The following KIRREL3 variants were observed in gnomAD, a reference collection of about 807,000 sequenced individuals.
KIRREL3 encodes the protein kin of IRRE-like protein 3.
Under a neutral mutation model 89.7 loss-of-function variants are expected in KIRREL3, and 36 were observed. That is an observed-to-expected ratio of 0.40 (90% confidence interval 0.31 to 0.53). KIRREL3 has a LOEUF of 0.53. Ranked by LOEUF, KIRREL3 falls within the 20% of genes least tolerant of loss-of-function variation. The probability of loss-of-function intolerance (pLI) is 0.49; values close to 1 mark genes in which losing one functional copy is unlikely to be tolerated. For synonymous variants in KIRREL3, 445 were observed against 441.4 expected (o/e 1.01, Z -0.10); for missense variants, 864 against 1,056.6 (o/e 0.82, Z 2.53).
chr11:126,907,577 A>G (rs1946638736), intron 1 of KIRREL3, among the ~76,000 whole-genome samples: 1 of 152,192 alleles, frequency 6.6e-6, no homozygotes, highest in South Asian at 2.1e-4. Flanking sequence ...TTTTTAAAGT[A>G]TTGGAGCTCT....
rs1346059993 is a variant in KIRREL3, at chr11:126,486,781, G to A, written c.434-13315C>T. ...GCCCCAACCACTCAGTCCTAACTGC[G>A]GTACCATAGGCTGTGCTAGCAGGAG... On this transcript the variant is annotated intron_variant, in intron 4 of 16. Transcript: ENST00000525144. The surrounding 1 kb of genome is among the most constrained non-coding windows in gnomAD (Gnocchi z 6.2). Among the ~76,000 whole-genome samples the A allele has an allele frequency of 6.6e-6, 1 of 152,202 alleles. No individual in the cohort carries two copies.
chr11:126,511,844 T>C (rs562232072), intron 4 of KIRREL3, among the ~76,000 whole-genome samples: 1 of 152,334 alleles, frequency 6.6e-6, no homozygotes, highest in Admixed American at 6.5e-5. Context: ...TGTGAAACCC[T>C]TGTTTTGGGC....
At position 126,903,006 on chromosome 11, in the gene KIRREL3, C is replaced by A. The variant is rs948199966; in HGVS notation, c.55+97449G>T. ...TACTTTTTTTAAAAAAAAGGAAGCC[C>A]AGCGTCCTATGACCTTGTGAAAGAA... On this transcript the variant is annotated intron_variant, in intron 1 of 16. Coordinates refer to ENST00000525144, the MANE Select transcript of KIRREL3 (RefSeq NM_032531.4). The surrounding 1 kb of genome is among the most constrained non-coding windows in gnomAD (Gnocchi z 4.5). 6.6e-6 allele frequency among the ~76,000 whole-genome samples: 1 copy of A among 152,026 alleles called. No individual in the cohort carries two copies. The highest frequency in any genetic ancestry group is 1.5e-5 in the Non-Finnish European group (1 of 68,010).
rs374049493 is a variant in KIRREL3 at position 126,692,474 on chromosome 11, G to A, written c.56-129562C>T. ...GCAGGAGGATCACTTGAACCCATGA[G>A]GCGGAGGTTGCAGTGAGCTAAGACT... On this transcript the variant is annotated intron_variant, in intron 1 of 16. Coordinates refer to ENST00000525144, the MANE Select transcript of KIRREL3 (RefSeq NM_032531.4). Among the ~76,000 whole-genome samples, 9 of 150,284 alleles carry A rather than the reference G, an allele frequency of 6.0e-5. No homozygotes were observed. In the South Asian group the frequency reaches 1.1e-3, roughly 18 times the overall value.
rs1317896080 is a variant in KIRREL3 at position 126,681,745 on chromosome 11, C to G, written c.56-118833G>C. ...TAAACATTTGTTTAATTGAATTTCT[C>G]TTAGTGTTAACTCCACTCCCATTCT... is the stretch of plus-strand genomic sequence containing the variant. On this transcript the variant is annotated intron_variant, in intron 1 of 16. Transcript: ENST00000525144. The G allele has an allele frequency of 1.4e-5, 5 of 361,548 alleles. No homozygotes were observed. In the Admixed American group the frequency reaches 1.5e-4, roughly 11 times the overall value. The allele number at this position is 361,548 out of a possible 1,614,324, so 22.4% of individuals were successfully genotyped here.
intron 1 of KIRREL3, among the ~76,000 whole-genome samples, chr11:126,960,347 G>GGTTT (rs142435003): frequency 0.066 from 10,024 of 152,052 alleles, 390 homozygotes; most frequent in African/African-American, 0.11. Context: ...TTTGTTTTGG[G>GGTTT]GTTTGTCATT....
At chr11:126,743,566 G>A (rs1949048976) in intron 1 of KIRREL3, among the ~76,000 whole-genome samples, 1 of 152,220 alleles carries the variant, frequency 6.6e-6, no homozygotes, top group Non-Finnish European at 1.5e-5. Context: ...AATCTTTAAA[G>A]AAGAATTCTT....
In KIRREL3 at chr11:126,521,231, T is replaced by A; in HGVS notation, c.433+84A>T. ...TGATCCCCAGAGGGGAGTCTCCCCA[T>A]GTCTGACCAAAAAAATACCCTCTTG... On this transcript the variant is annotated intron_variant, in intron 4 of 16. Coordinates refer to ENST00000525144, the MANE Select transcript of KIRREL3 (RefSeq NM_032531.4). This position sits in a 1 kb window ranked among gnomAD's most constrained non-coding sequence, Gnocchi z 4.1. The A allele has an allele frequency of 7.1e-7, 1 of 1,406,718 alleles. No homozygotes were observed. The highest frequency in any genetic ancestry group is 9.4e-7 in the Non-Finnish European group (1 of 1,066,892). 87.1% of individuals were successfully genotyped at this position (1,406,718 alleles called of 1,614,324 possible). A position where few individuals can be genotyped will look rare whatever the true frequency, so the allele number is the denominator to read the frequency against.
In KIRREL3 at chr11:126,655,247, C is replaced by G. The variant is rs1945084673; in HGVS notation, c.56-92335G>C. 6.6e-6 allele frequency among the ~76,000 whole-genome samples: 1 copy of G among 152,226 alleles called. No homozygotes were observed. Among genetic ancestry groups the G allele is most frequent in the African/African-American group, 2.4e-5 (1 of 41,458 alleles). Reference sequence around the variant, plus strand: ...TTTTTCCTGATGTCAAAGCCTCACCCAGGAGAGCTCTCGCTGTTGCCTGCT... The same window carrying G: ...TTTTTCCTGATGTCAAAGCCTCACCGAGGAGAGCTCTCGCTGTTGCCTGCT... On this transcript the variant is annotated intron_variant, in intron 1 of 16. Coordinates refer to ENST00000525144, the MANE Select transcript of KIRREL3 (RefSeq NM_032531.4). The surrounding 1 kb of genome is among the most constrained non-coding windows in gnomAD (Gnocchi z 5.0).
intron 1 of KIRREL3, among the ~76,000 whole-genome samples, chr11:126,767,474 A>G (rs1220280965): frequency 3.9e-5 from 6 of 152,296 alleles, no homozygotes; most frequent in African/African-American, 1.4e-4. Flanking sequence ...GGCAGCAGGG[A>G]ACAGCGGAAA....
In KIRREL3 at chr11:126,498,556, GT is replaced by G. The variant is rs1957748798; in HGVS notation, c.433+22758del. Among the ~76,000 whole-genome samples, 1 of 152,182 alleles carries G rather than the reference GT, an allele frequency of 6.6e-6. No individual in the cohort carries two copies. The highest frequency in any genetic ancestry group is 1.5e-5 in the Non-Finnish European group (1 of 68,030). ...TTATAAAAGATCCCGACTAGAAATT[GT>G]TTTCAGTTAAATATTCCCAGAGAGG... On this transcript the variant is annotated intron_variant, in intron 4 of 16. Coordinates refer to ENST00000525144, the MANE Select transcript of KIRREL3 (RefSeq NM_032531.4). This position sits in a 1 kb window ranked among gnomAD's most constrained non-coding sequence, Gnocchi z 4.3.
At position 126,924,781 on chromosome 11, in the gene KIRREL3, C is replaced by A. The variant is rs546295095; in HGVS notation, c.55+75674G>T. Among the ~76,000 whole-genome samples the A allele has an allele frequency of 2.0e-5, 3 of 152,284 alleles. No individual in the cohort carries two copies. The highest frequency in any genetic ancestry group is 2.0e-4 in the Admixed American group (3 of 15,300). On this transcript the variant is annotated intron_variant, in intron 1 of 16. Coordinates refer to ENST00000525144, the MANE Select transcript of KIRREL3 (RefSeq NM_032531.4). The surrounding 1 kb of genome is among the most constrained non-coding windows in gnomAD (Gnocchi z 4.7). ...ACTGGATGCCTGCTGTGTGCTCATC[C>A]CTGCCCCATCAACACCCTCACCTCA...
chr11:126,696,878 G>A lies in KIRREL3; in HGVS notation c.56-133966C>T, dbSNP rs1416351017. ...GACACTACTGTACCACTTGCTTTCC[G>A]GGCAGATTATCTTCCCTTTCTGAGT... On this transcript the variant is annotated intron_variant, in intron 1 of 16. Transcript: ENST00000525144. The surrounding 1 kb of genome is among the most constrained non-coding windows in gnomAD (Gnocchi z 4.4). 6.6e-6 allele frequency among the ~76,000 whole-genome samples: 1 copy of A among 152,160 alleles called. No homozygotes were observed. The highest frequency in any genetic ancestry group is 2.1e-4 in the South Asian group (1 of 4,828).
Position 126,579,087 on chromosome 11 carries a change from A to G in KIRREL3, c.56-16175T>C, listed in dbSNP as rs1941407059. ...GTGCTGCCTCCGAGAAGCCATGGCC[A>G]AGAAAGGTCTTTGCACCAGAGCTCA... On this transcript the variant is annotated intron_variant, in intron 1 of 16. Coordinates refer to ENST00000525144, the MANE Select transcript of KIRREL3 (RefSeq NM_032531.4). The surrounding 1 kb of genome is among the most constrained non-coding windows in gnomAD (Gnocchi z 5.3). Among the ~76,000 whole-genome samples, 1 of 151,936 alleles carries G rather than the reference A, an allele frequency of 6.6e-6. No individual in the cohort carries two copies. The highest frequency in any genetic ancestry group is 1.5e-5 in the Non-Finnish European group (1 of 67,980).
Position 126,764,435 on chromosome 11 carries a change from G to T in KIRREL3, c.56-201523C>A, listed in dbSNP as rs903609049. ...TGGCAGTGTGGATTCAGGGCTGTGT[G>T]GTTCAAGATCAACTTCGCAGAGAAA... On this transcript the variant is annotated intron_variant, in intron 1 of 16. Transcript: ENST00000525144. The surrounding 1 kb of genome is among the most constrained non-coding windows in gnomAD (Gnocchi z 4.2). Among the ~76,000 whole-genome samples, 10 of 152,126 alleles carry T rather than the reference G, an allele frequency of 6.6e-5. No individual in the cohort carries two copies. The highest frequency in any genetic ancestry group is 5.9e-4 in the Admixed American group (9 of 15,282).
At chr11:126,962,364 C>T (rs546737983) in intron 1 of KIRREL3, among the ~76,000 whole-genome samples, 44 of 152,234 alleles carry the variant, frequency 2.9e-4, no homozygotes, top group Admixed American at 2.7e-3. Flanking sequence ...CCAATCCTCA[C>T]GGATGACTTT....
chr11:126,941,720 A>G (rs1023558647), intron 1 of KIRREL3, among the ~76,000 whole-genome samples: 1 of 152,234 alleles, frequency 6.6e-6, no homozygotes, highest in African/African-American at 2.4e-5. Flanking sequence ...CAGTCTTCCC[A>G]GAGTGGGCTG....
intron 1 of KIRREL3, among the ~76,000 whole-genome samples, chr11:126,929,462 G>A (rs1784310): frequency 0.6 from 90,640 of 152,014 alleles, 27,833 homozygotes; most frequent in Middle Eastern, 0.83. Context: ...AAATGCTGCC[G>A]TCTGGAATGC....
At position 126,719,538 on chromosome 11, in the gene KIRREL3, C is replaced by G. The variant is rs1394760234; in HGVS notation, c.56-156626G>C. Among the ~76,000 whole-genome samples the G allele has an allele frequency of 6.6e-6, 1 of 152,168 alleles. No homozygotes were observed. The highest frequency in any genetic ancestry group is 1.5e-5 in the Non-Finnish European group (1 of 68,042). ...AAGTCTACTTCCTTGCTGGGCATTT[C>G]CATTTGAACATCTCTTAGGTTTCTA... On this transcript the variant is annotated intron_variant, in intron 1 of 16. Coordinates refer to ENST00000525144, the MANE Select transcript of KIRREL3 (RefSeq NM_032531.4). This position sits in a 1 kb window ranked among gnomAD's most constrained non-coding sequence, Gnocchi z 4.7.
Sources: allele counts gnomAD v4.1 joint callset (sites outside exome capture counted in the v4.1 genomes callset), GRCh38; gene constraint gnomAD v4.1.1; non-coding constraint Gnocchi (gnomAD v3.1); transcripts MANE v1.5; gene names NCBI Gene and HGNC (gene_info 2026-07-23, HGNC 2026-07-21).